The following RBFOX1 variants were observed in gnomAD, a reference collection of about 807,000 sequenced individuals.
RBFOX1 encodes RNA binding fox-1 homolog 1.
In RBFOX1, 8 loss-of-function variants were observed where a neutral mutation model predicts 57.7. The observed-to-expected ratio is 0.14, with a 90% CI of 0.08 to 0.25. The LOEUF (loss-of-function observed/expected upper bound fraction) is 0.25, where lower values mean the gene tolerates loss of function less well. Ranked by LOEUF, RBFOX1 falls within the 10% of genes least tolerant of loss-of-function variation. RBFOX1 has a pLI of 1.00. For missense variants in RBFOX1, 611 were observed against 548.5 expected (o/e 1.11, Z -1.14); for synonymous variants, 326 against 222.4 (o/e 1.47, Z -4.15).
intron 4 of RBFOX1, among the ~76,000 whole-genome samples, chr16:7,506,738 A>G (rs183351285): frequency 2.0e-3 from 305 of 152,316 alleles, no homozygotes; most frequent in African/African-American, 7.0e-3. Flanking sequence ...TGTGTTGGAA[A>G]GTGTTTTCCA....
intron 4 of RBFOX1, among the ~76,000 whole-genome samples, chr16:7,274,703 G>C (rs963070691): frequency 7.6e-6 from 1 of 132,052 alleles, no homozygotes; most frequent in African/African-American, 2.9e-5. Context: ...TTATTTTTTT[G>C]AGGCAAGGTC....
intron 4 of RBFOX1, among the ~76,000 whole-genome samples, chr16:7,159,295 C>T (rs973019410): frequency 4.6e-5 from 7 of 152,230 alleles, no homozygotes; most frequent in African/African-American, 1.7e-4. Context: ...GAGAGGGTGC[C>T]ATTGTCACTG....
At chr16:6,736,431 C>T (rs759433709) in intron 3 of RBFOX1, among the ~76,000 whole-genome samples, 2 of 152,164 alleles carry the variant, frequency 1.3e-5, no homozygotes, top group Non-Finnish European at 2.9e-5. Context: ...TCCTGAGTTA[C>T]ATCACTTAGA....
intron 14 of RBFOX1, among the ~76,000 whole-genome samples, chr16:7,704,581 C>G (rs528946404): frequency 6.6e-6 from 1 of 152,326 alleles, no homozygotes; most frequent in East Asian, 1.9e-4. Flanking sequence ...TCTACCTGCA[C>G]TGTTCTAGAC....
chr16:6,003,672 C>T (rs1162564720), intron 4 of RBFOX1, among the ~76,000 whole-genome samples: 1 of 152,248 alleles, frequency 6.6e-6, no homozygotes, highest in Non-Finnish European at 1.5e-5. Context: ...GCAAAGCTAG[C>T]CTCTGCTATT....
chr16:5,241,251 C>T (rs1192332765), intron 1 of RBFOX1, among the ~76,000 whole-genome samples: 1 of 152,192 alleles, frequency 6.6e-6, no homozygotes, highest in Non-Finnish European at 1.5e-5. Context: ...TTACTGCATT[C>T]AGAGCTTGGG....
chr16:5,526,917 C>G (rs1347575306), intron 2 of RBFOX1, among the ~76,000 whole-genome samples: 1 of 152,228 alleles, frequency 6.6e-6, no homozygotes, highest in Non-Finnish European at 1.5e-5. Context: ...GCTCGCCTCT[C>G]TAACCCTTGG....
At chr16:7,555,421 G>A (rs1553614) in intron 5 of RBFOX1, among the ~76,000 whole-genome samples, 50,488 of 152,106 alleles carry the variant, frequency 0.33, 9,220 homozygotes, top group African/African-American at 0.46. Flanking sequence ...ATAAATGCAC[G>A]TAGTTGGGTA....
intron 4 of RBFOX1, among the ~76,000 whole-genome samples, chr16:7,323,153 A>C (rs2096567522): frequency 6.6e-6 from 1 of 152,194 alleles, no homozygotes; most frequent in Admixed American, 6.5e-5. Flanking sequence ...GACTGGGCAC[A>C]TGGCTCATGC....
At chr16:6,154,418 A>T (rs1296517010) in intron 1 of RBFOX1, among the ~76,000 whole-genome samples, 1 of 152,220 alleles carries the variant, frequency 6.6e-6, no homozygotes, top group Non-Finnish European at 1.5e-5. Flanking sequence ...GTAACTGTAA[A>T]ATAACTATGA....
At chr16:6,410,303 CTTTTTTTTTT>C (rs34012786) in intron 2 of RBFOX1, among the ~76,000 whole-genome samples, 1 of 86,744 alleles carries the variant, frequency 1.2e-5, no homozygotes, top group Non-Finnish European at 2.2e-5. Context: ...ACCTAGGGTT[CTTTTTTTTTT>C]TTTTTTTTTT....
chr16:5,878,435 C>T (rs2057673351), intron 4 of RBFOX1, among the ~76,000 whole-genome samples: 1 of 152,144 alleles, frequency 6.6e-6, no homozygotes, highest in South Asian at 2.1e-4. Flanking sequence ...GGGACCCACT[C>T]AGGGCCATAT....
intron 3 of RBFOX1, among the ~76,000 whole-genome samples, chr16:5,795,575 A>G (rs1246536928): frequency 1.3e-5 from 2 of 152,122 alleles, no homozygotes; most frequent in Non-Finnish European, 2.9e-5. Flanking sequence ...ACAGACATGA[A>G]CCACTGTGCC....
intron 2 of RBFOX1, among the ~76,000 whole-genome samples, chr16:6,344,598 C>T (rs2085073648): frequency 6.7e-6 from 1 of 150,176 alleles, no homozygotes; most frequent in Admixed American, 6.6e-5. Context: ...GGCGTTTCAG[C>T]GTGTTAGCCA....
At chr16:5,358,247 C>G (rs2065448084) in intron 1 of RBFOX1, among the ~76,000 whole-genome samples, 1 of 151,370 alleles carries the variant, frequency 6.6e-6, no homozygotes, top group African/African-American at 2.5e-5. Flanking sequence ...TGTCTGTGTC[C>G]AAGCTTCCCC....
At chr16:6,398,198 GC>G (rs536947806) in intron 2 of RBFOX1, among the ~76,000 whole-genome samples, 95 of 152,162 alleles carry the variant, frequency 6.2e-4, no homozygotes, top group African/African-American at 2.2e-3. Flanking sequence ...CAGGGTCACC[GC>G]CCCCATGGTT....
intron 3 of RBFOX1, among the ~76,000 whole-genome samples, chr16:5,862,027 C>T (rs538014473): frequency 1.3e-5 from 2 of 152,314 alleles, no homozygotes; most frequent in Non-Finnish European, 2.9e-5. Flanking sequence ...GACGGCCATT[C>T]TCTGTGTCTG....
chr16:6,909,907 C>A lies in RBFOX1; in HGVS notation c.-15-142150C>A, dbSNP rs949394277. On this transcript the variant is annotated intron_variant, in intron 3 of 15. Coordinates refer to ENST00000550418, the MANE Select transcript of RBFOX1 (RefSeq NM_018723.4). ...TATCGGTTCCTTTGCTAATTCTGTT[C>A]GGGCAGGATTTGCTTTTTTTTGCTT... Among the ~76,000 whole-genome samples, 3 of 152,162 alleles carry A rather than the reference C, an allele frequency of 2.0e-5. No individual in the cohort carries two copies. In the East Asian group the frequency reaches 5.8e-4, roughly 29 times the overall value.
intron 3 of RBFOX1, among the ~76,000 whole-genome samples, chr16:7,021,310 A>G (rs935522636): frequency 6.7e-6 from 1 of 148,334 alleles, no homozygotes; most frequent in Admixed American, 6.7e-5. Context: ...CTCTCTATAT[A>G]TATATATTTA....
Sources: allele counts gnomAD v4.1 joint callset (sites outside exome capture counted in the v4.1 genomes callset), GRCh38; gene constraint gnomAD v4.1.1; transcripts MANE v1.5; gene names NCBI Gene and HGNC (gene_info 2026-07-23, HGNC 2026-07-21).